PRSS48: variants seen among roughly 807,000 people sequenced by gnomAD.
PRSS48 encodes epidermis-specific serine protease-like protein.
Under a neutral mutation model 25.6 loss-of-function variants are expected in PRSS48, and 21 were observed. That is an observed-to-expected ratio of 0.82 (90% CI 0.58 to 1.18). The LOEUF is 1.18. Among genes scored for constraint, PRSS48 ranks in the 50% most tolerant of loss-of-function variants. The probability of loss-of-function intolerance (pLI) is 0.00; values close to 1 mark genes in which losing one functional copy is unlikely to be tolerated. For synonymous variants in PRSS48, 150 were observed against 149.3 expected (o/e 1.00, Z -0.04); for missense variants, 373 against 399.3 (o/e 0.93, Z 0.56).
intron 4 of PRSS48, 99 bp from the exon 5 acceptor site, chr4:151,291,019 G>C: frequency 1.2e-6 from 1 of 851,632 alleles, no homozygotes; most frequent in Non-Finnish European, 1.8e-6. Context: ...AGCTCCATGG[G>C]TCTCATGGCC....
rs557564353 is a variant in PRSS48, at chr4:151,288,736, G to C, written c.652-2382G>C. On this transcript the variant is annotated intron_variant, in intron 4 of 4. Transcript: ENST00000455694. ...CATGCAGTTGCAATGAATAATCTAA[G>C]GAAACATTTAAGAAAACAATATTCC... Among the ~76,000 whole-genome samples the C allele has an allele frequency of 8.0e-4, 121 of 151,092 alleles. 1 individual carries two copies. The highest frequency in any genetic ancestry group is 2.8e-3 in the African/African-American group (114 of 40,776).
chr4:151,284,840 C>G (rs1774587217), intron 4 of PRSS48, among the ~76,000 whole-genome samples: 1 of 152,186 alleles, frequency 6.6e-6, no homozygotes, highest in African/African-American at 2.4e-5. Flanking sequence ...TTAGCCTTAG[C>G]TGAGCTGCTT....
chr4:151,287,884 T>C (rs950035659), intron 4 of PRSS48, among the ~76,000 whole-genome samples: 1 of 152,160 alleles, frequency 6.6e-6, no homozygotes, highest in African/African-American at 2.4e-5. Context: ...CTCTCTCTTT[T>C]TTTATTTTTC....
chr4:151,283,351 T>C, intron 4 of PRSS48, 65 bp downstream of exon 4: 2 of 1,472,490 alleles, frequency 1.4e-6, no homozygotes, highest in Middle Eastern at 1.7e-4. Context: ...CAGGTTTTCC[T>C]ATCTGTAAAT....
At chr4:151,285,455 T>C (rs1774653556) in intron 4 of PRSS48, among the ~76,000 whole-genome samples, 1 of 152,106 alleles carries the variant, frequency 6.6e-6, no homozygotes, top group Admixed American at 6.6e-5. Flanking sequence ...GAGAGAAATA[T>C]GGAAATTCAC....
chr4:151,285,258 A>G (rs904968631), intron 4 of PRSS48, among the ~76,000 whole-genome samples: 2 of 152,186 alleles, frequency 1.3e-5, no homozygotes, highest in African/African-American at 4.8e-5. Flanking sequence ...TCACTCCCAT[A>G]AGAAATTTTA....
At chr4:151,283,214 A>G in exon 4 of PRSS48, 1 of 1,613,900 alleles carries the variant, frequency 6.2e-7, no homozygotes, top group Non-Finnish European at 8.5e-7. Context: ...TCTTCTTGCC[A>G]GCACTGGAGC....
chr4:151,291,465 G>C (rs1775333014), downstream of PRSS48: 1 of 1,532,394 alleles, frequency 6.5e-7, no homozygotes, highest in South Asian at 1.2e-5. Context: ...TCACAGGAGA[G>C]CCACTGCTAA....
At chr4:151,288,933 C>CT (rs990525216) in intron 4 of PRSS48, among the ~76,000 whole-genome samples, 1 of 152,006 alleles carries the variant, frequency 6.6e-6, no homozygotes, top group African/African-American at 2.4e-5. Context: ...TCAAGGGGCC[C>CT]AAAACAATCT....
chr4:151,283,022 G>T (rs1276352251), intron 3 of PRSS48, 95 bp from the exon 4 acceptor site: 2 of 1,108,172 alleles, frequency 1.8e-6, no homozygotes, highest in Non-Finnish European at 1.3e-6. Context: ...GCTGCTTTTG[G>T]ATTCCCATTC....
At chr4:151,286,601 A>G (rs572354668) in intron 4 of PRSS48, among the ~76,000 whole-genome samples, 1 of 131,778 alleles carries the variant, frequency 7.6e-6, no homozygotes, top group South Asian at 2.4e-4. Flanking sequence ...ATTTGTGATT[A>G]AAAAAAAAAA....
exon 2 of PRSS48, chr4:151,279,821 C>T (rs768040382): frequency 1.2e-6 from 2 of 1,613,882 alleles, no homozygotes; most frequent in Non-Finnish European, 1.7e-6. Context: ...TATACTCCAG[C>T]CGCGTTGTAG....
At chr4:151,286,184 GAAAAAA>G (rs56850648) in intron 4 of PRSS48, among the ~76,000 whole-genome samples, 1 of 86,628 alleles carries the variant, frequency 1.2e-5, no homozygotes, top group Non-Finnish European at 2.0e-5. Flanking sequence ...CTGTCTTAAA[GAAAAAA>G]AAAAAAAAAA....
exon 2 of PRSS48, chr4:151,279,796 T>C (rs778862552): frequency 1.9e-6 from 3 of 1,613,762 alleles, no homozygotes; most frequent in Admixed American, 3.3e-5. Flanking sequence ...CTTTCTCTAG[T>C]GTGTGGGCAA....
chr4:151,287,880 C>CT (rs917358447), intron 4 of PRSS48, among the ~76,000 whole-genome samples: 2 of 152,032 alleles, frequency 1.3e-5, no homozygotes, highest in African/African-American at 4.8e-5. Context: ...ACCCCTCTCT[C>CT]TTTTTTTATT....
rs560346756 is a variant in PRSS48, at chr4:151,277,883, A to G, written c.52+659A>G. Among the ~76,000 whole-genome samples the G allele has an allele frequency of 5.3e-5, 8 of 152,268 alleles. No individual in the cohort carries two copies. The East Asian group carries it at 1.4e-3, about 26-fold the overall frequency. ...TGGTGAAACCCCATCTCTACAAAAAATACAAAAATTAGCCGGGCGTGGTGG... is the reference window on the plus strand; with the variant it reads ...TGGTGAAACCCCATCTCTACAAAAAGTACAAAAATTAGCCGGGCGTGGTGG... On this transcript the variant is annotated intron_variant, in intron 1 of 4. Transcript: ENST00000455694.
Position 151,283,270 on chromosome 4 carries a change from T to C in PRSS48, c.635T>C (p.Met212Thr), listed in dbSNP as rs956658072. 8 of 1,613,498 alleles carry C rather than the reference T, an allele frequency of 5.0e-6. No homozygotes were observed. In the East Asian group the frequency reaches 1.3e-4, roughly 27 times the overall value. Residue 212 changes from methionine (M) to threonine (T), a missense_variant, in exon 4 of 5, where the codon ATG (methionine) becomes ACG (threonine). Physicochemically the swap from Met to Thr is moderately conservative, Grantham distance 81. Transcript: ENST00000455694. ...ATTTGTGCTGGTGATACTCAAAACA[T>C]GAAGGATAGTTGCAAGGTCAGGGTT...
At chr4:151,290,652 A>G (rs1381336310) in intron 4 of PRSS48, among the ~76,000 whole-genome samples, 1 of 152,200 alleles carries the variant, frequency 6.6e-6, no homozygotes, top group African/African-American at 2.4e-5. Context: ...ACTAAAAACC[A>G]CTGAATTGTG....
chr4:151,278,754 C>T (rs1000474135), intron 1 of PRSS48, among the ~76,000 whole-genome samples: 2 of 152,166 alleles, frequency 1.3e-5, no homozygotes, highest in African/African-American at 4.8e-5. Flanking sequence ...CTTCAGCCTC[C>T]CAAGTAGCTG....
Sources: allele counts gnomAD v4.1 joint callset (sites outside exome capture counted in the v4.1 genomes callset), GRCh38; gene constraint gnomAD v4.1.1; transcripts MANE v1.5; gene names NCBI Gene and HGNC (gene_info 2026-07-23, HGNC 2026-07-21).